Variants in ABCB11 observed in about 807,000 individuals in gnomAD.
ABCB11 encodes ATP binding cassette subfamily B member 11.
A neutral mutation model predicts 148.0 loss-of-function variants in ABCB11; 95 were observed. That is an observed-to-expected ratio of 0.64 (90% CI 0.54 to 0.76). The LOEUF (loss-of-function observed/expected upper bound fraction) is 0.76. Ranked by LOEUF, ABCB11 falls within the 30% of genes least tolerant of loss-of-function variation. The pLI is 0.00. For synonymous variants in ABCB11, 591 were observed against 555.4 expected (o/e 1.06, Z -0.90); for missense variants, 1,523 against 1,617.8 (o/e 0.94, Z 1.01).
chr2:168,998,469 C>T (rs1184388885), intron 5 of ABCB11, among the ~76,000 whole-genome samples: 1 of 151,996 alleles, frequency 6.6e-6, no homozygotes, highest in African/African-American at 2.4e-5. Flanking sequence ...ACCACAACGA[C>T]ATGATAAATG....
intron 21 of ABCB11, among the ~76,000 whole-genome samples, chr2:168,940,464 C>A (rs1692014322): frequency 6.6e-6 from 1 of 151,972 alleles, no homozygotes; most frequent in Non-Finnish European, 1.5e-5. Context: ...AGAACAAGGC[C>A]CTAACTCTCT....
At chr2:168,933,006 G>A (rs1384652181) in intron 23 of ABCB11, among the ~76,000 whole-genome samples, 1 of 151,828 alleles carries the variant, frequency 6.6e-6, no homozygotes, top group Non-Finnish European at 1.5e-5. Flanking sequence ...CTACTCGGGA[G>A]GCTGAGGCAG....
intron 2 of ABCB11, 25 bp downstream of exon 2, chr2:169,018,025 G>A: frequency 1.3e-6 from 2 of 1,575,266 alleles, no homozygotes. Context: ...TGTACAAGAT[G>A]CAGTGAGGGA....
intron 1 of ABCB11, among the ~76,000 whole-genome samples, chr2:169,029,724 C>CTTTTTTTTTTTTTTTTTTTTTT (rs1166356679): frequency 1.1e-5 from 1 of 88,306 alleles, no homozygotes; most frequent in African/African-American, 5.7e-5. Flanking sequence ...GTTCTTTCCT[C>CTTTTTTTTTTTTTTTTTTTTTT]TTTTTTTTTT....
In ABCB11 at chr2:168,995,427, T is replaced by A; in HGVS notation, c.533A>T (p.Tyr178Phe). The A allele has an allele frequency of 6.2e-7, 1 of 1,612,310 alleles. No individual in the cohort carries two copies. Among genetic ancestry groups the A allele is most frequent in the Non-Finnish European group, 8.5e-7 (1 of 1,178,958 alleles). ...TTCCATTCTCATTATTCTCCTAAAG[T>A]AAAATTTTCTCATTTTCTGTATCTG... Reference protein sequence around the residue: ...ARQIQKMRKFYFRRIMRMEIG... With the variant: ...ARQIQKMRKFFFRRIMRMEIG... The change falls in exon 7 of 28, where the codon TAC becomes TTC. Residue 178 changes from tyrosine to phenylalanine, a missense_variant. Transcript: ENST00000650372.
In ABCB11 at chr2:169,020,167, T is replaced by C. The variant is rs1695492658; in HGVS notation, c.-27-2015A>G. Among the ~76,000 whole-genome samples, 3 of 152,214 alleles carry C rather than the reference T, an allele frequency of 2.0e-5. No homozygotes were observed. The South Asian group carries it at 6.2e-4, about 31-fold the overall frequency. ...AGGTGTTCGATATGCAGATAAAGTATGTTAAGTTCATTGTTATGACAATCT... is the reference window on the plus strand; with the variant it reads ...AGGTGTTCGATATGCAGATAAAGTACGTTAAGTTCATTGTTATGACAATCT... On this transcript the variant is annotated intron_variant, in intron 1 of 27. Coordinates refer to ENST00000650372, the MANE Select transcript of ABCB11 (RefSeq NM_003742.4).
rs1402650402 is a variant in ABCB11, at chr2:168,922,600, A to G, written c.*1022T>C. The stretch of plus-strand genomic sequence containing the variant: ...TTGTTTTCTCTCATCTTGTAACTCT[A>G]TTATCAATTGTCCATTTGCTTTCTG... On this transcript the variant is annotated 3_prime_UTR_variant, in exon 28 of 28. Transcript: ENST00000650372. Among the ~76,000 whole-genome samples, 1 of 152,074 alleles carries G rather than the reference A, an allele frequency of 6.6e-6. No individual in the cohort carries two copies. Among genetic ancestry groups the G allele is most frequent in the African/African-American group, 2.4e-5 (1 of 41,392 alleles).
intron 21 of ABCB11, among the ~76,000 whole-genome samples, chr2:168,944,278 C>A (rs1157802773): frequency 9.0e-6 from 1 of 111,268 alleles, no homozygotes; most frequent in Non-Finnish European, 2.1e-5. Flanking sequence ...GTTCACCCAC[C>A]CCCTGGGGGG....
chr2:168,985,017 T>C (rs1694265334), intron 10 of ABCB11, among the ~76,000 whole-genome samples: 1 of 150,792 alleles, frequency 6.6e-6, no homozygotes, highest in Non-Finnish European at 1.5e-5. Context: ...GGAGAAAATC[T>C]TCACAATCTA....
chr2:168,990,228 A>G (rs1395553614), intron 9 of ABCB11, among the ~76,000 whole-genome samples: 3 of 152,106 alleles, frequency 2.0e-5, no homozygotes, highest in African/African-American at 7.2e-5. Context: ...TGAAGCTATC[A>G]GGTCCTGGGC....
chr2:168,964,181 C>G (rs1357905481), intron 18 of ABCB11, 25 bp downstream of exon 18: 4 of 1,513,088 alleles, frequency 2.6e-6, no homozygotes, highest in Non-Finnish European at 3.6e-6. Context: ...CTTCCATTCC[C>G]CCCCATAAGC....
intron 18 of ABCB11, among the ~76,000 whole-genome samples, chr2:168,961,152 G>T (rs1461978861): frequency 6.6e-6 from 1 of 151,674 alleles, no homozygotes. Flanking sequence ...TGCAACAAGA[G>T]ATTTATTTAA....
At chr2:168,958,209 T>C in intron 18 of ABCB11, 81 bp from the exon 19 acceptor site, 4 of 1,382,622 alleles carry the variant, frequency 2.9e-6, no homozygotes, top group Non-Finnish European at 4.0e-6. Context: ...TTCACAGATT[T>C]AAGAGTCATA....
chr2:169,028,529 G>T (rs565927207), intron 1 of ABCB11, among the ~76,000 whole-genome samples: 1 of 152,088 alleles, frequency 6.6e-6, no homozygotes, highest in Non-Finnish European at 1.5e-5. Flanking sequence ...CAGGGCAGCC[G>T]GGTCCAAGGC....
Position 168,923,726 on chromosome 2 carries a change from C to G in ABCB11, c.3862G>C (p.Val1288Leu), listed in dbSNP as rs1433148493. Residue 1288 changes from valine (V) to leucine (L), a missense_variant, in exon 28 of 28, where the codon GTC (valine) becomes CTC (leucine). Physicochemically the swap from Val to Leu is conservative, Grantham distance 32 (BLOSUM62 1). Transcript: ENST00000650372. ...TCAATCACCACCCCCTGTGCCATGA[C>G]AGCAATGATATCCGCGTTCTGGATG... ...STIQNADIIA[V>L]MAQGVVIEKG... 6.2e-7 allele frequency: 1 copy of G among 1,613,704 alleles called. No homozygotes were observed. Among genetic ancestry groups the G allele is most frequent in the Non-Finnish European group, 8.5e-7 (1 of 1,179,870 alleles).
At chr2:169,012,735 T>A (rs1019156034) in intron 5 of ABCB11, among the ~76,000 whole-genome samples, 1 of 136,368 alleles carries the variant, frequency 7.3e-6, no homozygotes, top group South Asian at 2.3e-4. Context: ...GGAGACTCCA[T>A]CTTAAAAAAA....
At chr2:168,951,554 A>T (rs1456779518) in intron 19 of ABCB11, among the ~76,000 whole-genome samples, 2 of 151,524 alleles carry the variant, frequency 1.3e-5, no homozygotes, top group African/African-American at 4.8e-5. Context: ...CAACTAGATC[A>T]ATATTGGTGT....
chr2:168,996,666 G>C lies in ABCB11; in HGVS notation c.446C>G (p.Ala149Gly). The C allele has an allele frequency of 6.4e-7, 1 of 1,566,472 alleles. No homozygotes were observed. The highest frequency in any genetic ancestry group is 1.2e-5 in the South Asian group (1 of 83,528). Residue 149 changes from alanine (A) to glycine (G), a missense_variant, in exon 6 of 28, where the codon GCT (alanine) becomes GGT (glycine). Ala to Gly is a moderately conservative substitution (Grantham distance 60). Coordinates refer to ENST00000650372, the MANE Select transcript of ABCB11 (RefSeq NM_003742.4). ...IKFASYYAGI[A>G]VAVLITGYIQ... ...ATATCCTGTGATAAGTACTGCGACA[G>C]CAATTCCAGCATAGTAACTGGCAAA... is the stretch of plus-strand genomic sequence containing the variant.
chr2:168,936,049 G>A (rs115427035), intron 22 of ABCB11, among the ~76,000 whole-genome samples, 181 bp downstream of exon 22: 225 of 152,280 alleles, frequency 1.5e-3, no homozygotes, highest in South Asian at 3.7e-3. Flanking sequence ...TCAGAGTCTC[G>A]GAGCTTTATT....
Sources: allele counts gnomAD v4.1 joint callset (sites outside exome capture counted in the v4.1 genomes callset), GRCh38; gene constraint gnomAD v4.1.1; transcripts MANE v1.5; gene names NCBI Gene and HGNC (gene_info 2026-07-23, HGNC 2026-07-21).